CCSER1: variants seen among roughly 807,000 people sequenced by gnomAD.
The protein encoded by CCSER1 is coiled-coil serine rich protein 1.
A neutral mutation model predicts 82.0 loss-of-function variants in CCSER1; 41 were observed. That is an observed-to-expected ratio of 0.50 (90% CI 0.39 to 0.65). The LOEUF (loss-of-function observed/expected upper bound fraction) is 0.65. Ranked by LOEUF, CCSER1 falls within the 30% of genes least tolerant of loss-of-function variation. The pLI, the probability that CCSER1 is intolerant of heterozygous loss-of-function variation, is 0.00. For missense variants in CCSER1, 1,119 were observed against 1,064.2 expected (o/e 1.05, Z -0.72); for synonymous variants, 414 against 383.9 (o/e 1.08, Z -0.92).
At chr4:90,480,877 A>G (rs1361190825) in intron 5 of CCSER1, among the ~76,000 whole-genome samples, 1 of 152,122 alleles carries the variant, frequency 6.6e-6, no homozygotes, top group Non-Finnish European at 1.5e-5. Context: ...TTTTGGTTCC[A>G]TAGGAACTTT....
chr4:90,360,559 G>A (rs1372217319), intron 3 of CCSER1, among the ~76,000 whole-genome samples: 1 of 115,546 alleles, frequency 8.7e-6, no homozygotes, highest in Non-Finnish European at 1.6e-5. Flanking sequence ...CAGCCTGGAC[G>A]ACAGAGCGAG....
intron 1 of CCSER1, among the ~76,000 whole-genome samples, chr4:90,208,676 T>C (rs1010318422): frequency 6.6e-6 from 1 of 152,140 alleles, no homozygotes; most frequent in African/African-American, 2.4e-5. Context: ...TTGCAAAGAC[T>C]CTGGGAAAAG....
At chr4:90,213,170 A>T (rs1740355200) in intron 1 of CCSER1, among the ~76,000 whole-genome samples, 1 of 152,210 alleles carries the variant, frequency 6.6e-6, no homozygotes, top group South Asian at 2.1e-4. Flanking sequence ...AAGCAATGGT[A>T]GCTGACAGGG....
At chr4:91,550,201 T>G (rs1007025358) in intron 10 of CCSER1, among the ~76,000 whole-genome samples, 5 of 152,222 alleles carry the variant, frequency 3.3e-5, no homozygotes, top group African/African-American at 9.6e-5. Flanking sequence ...CTTTCCTTTT[T>G]CCCTCCTCTT....
At chr4:90,957,226 C>G (rs528820227) in intron 9 of CCSER1, among the ~76,000 whole-genome samples, 2 of 134,896 alleles carry the variant, frequency 1.5e-5, no homozygotes, top group Non-Finnish European at 3.2e-5. Context: ...CTCAGCCTCC[C>G]GACTACCTGG....
chr4:90,269,649 C>A (rs1439714418), intron 1 of CCSER1, among the ~76,000 whole-genome samples: 1 of 150,476 alleles, frequency 6.6e-6, no homozygotes, highest in Non-Finnish European at 1.5e-5. Context: ...AGTCTGAACC[C>A]AAAATTAGTA....
chr4:90,571,615 G>T (rs900437803), intron 5 of CCSER1, among the ~76,000 whole-genome samples: 1 of 152,146 alleles, frequency 6.6e-6, no homozygotes. Context: ...AGGAACGGGG[G>T]CAAGTGCTGA....
At chr4:91,141,153 CTTTT>C (rs113600364) in intron 10 of CCSER1, among the ~76,000 whole-genome samples, 1 of 144,344 alleles carries the variant, frequency 6.9e-6, no homozygotes, top group Non-Finnish European at 1.5e-5. Context: ...TGATTTCATT[CTTTT>C]TTTTTTTTTT....
At chr4:90,307,650 TA>T (rs911892223) in intron 1 of CCSER1, among the ~76,000 whole-genome samples, 191 of 143,752 alleles carry the variant, frequency 1.3e-3, no homozygotes, top group South Asian at 1.8e-3. Flanking sequence ...AAGCATAATT[TA>T]AAAAAAAAAA....
intron 10 of CCSER1, among the ~76,000 whole-genome samples, chr4:91,468,665 T>A (rs1204470476): frequency 6.6e-6 from 1 of 152,076 alleles, no homozygotes; most frequent in Non-Finnish European, 1.5e-5. Context: ...GTTTTTATAT[T>A]TAAGTTTTCC....
At chr4:91,329,106 G>A (rs1336613550) in intron 10 of CCSER1, among the ~76,000 whole-genome samples, 1 of 152,158 alleles carries the variant, frequency 6.6e-6, no homozygotes, top group South Asian at 2.1e-4. Context: ...TTAGCAGAAT[G>A]AGAACAGATT....
intron 5 of CCSER1, among the ~76,000 whole-genome samples, chr4:90,506,801 TAAC>T (rs1309473192): frequency 6.6e-6 from 1 of 151,854 alleles, no homozygotes; most frequent in African/African-American, 2.4e-5. Flanking sequence ...CTTTCAAAAA[TAAC>T]AAGAATTGTT....
At chr4:91,503,473 G>A (rs1759326589) in intron 10 of CCSER1, among the ~76,000 whole-genome samples, 1 of 152,064 alleles carries the variant, frequency 6.6e-6, no homozygotes, top group South Asian at 2.1e-4. Context: ...TGTATTTTTA[G>A]AATAAATGTG....
In CCSER1 at chr4:90,595,014, CTAAT is replaced by C. The variant is rs559187843; in HGVS notation, c.1725-33008_1725-33005del. Among the ~76,000 whole-genome samples, 98 of 151,948 alleles carry C rather than the reference CTAAT, an allele frequency of 6.4e-4. 1 individual carries two copies. In the South Asian group the frequency reaches 1.0e-2, roughly 15 times the overall value. On this transcript the variant is annotated intron_variant, in intron 5 of 10. Transcript: ENST00000509176. The stretch of plus-strand genomic sequence containing the variant: ...TAATATATTTTTATACTTTAAGTGA[CTAAT>C]TATTTGATTTCATCGATCTATTAAC...
intron 10 of CCSER1, among the ~76,000 whole-genome samples, chr4:91,464,433 A>T (rs1432471813): frequency 6.6e-6 from 1 of 152,212 alleles, no homozygotes; most frequent in Non-Finnish European, 1.5e-5. Context: ...TGCTAAGAAG[A>T]AACTGCATCA....
intron 1 of CCSER1, among the ~76,000 whole-genome samples, chr4:90,271,241 A>G (rs943505227): frequency 3.2e-4 from 48 of 152,132 alleles, no homozygotes; most frequent in African/African-American, 1.1e-3. Flanking sequence ...TCAAATTATT[A>G]TACAAAGCTA....
At chr4:91,572,782 C>T (rs922016239) in intron 10 of CCSER1, among the ~76,000 whole-genome samples, 1 of 146,824 alleles carries the variant, frequency 6.8e-6, no homozygotes, top group Non-Finnish European at 1.5e-5. Flanking sequence ...GGCAACATGT[C>T]AAAACCCTGT....
chr4:90,321,475 T>A (rs952325666), intron 3 of CCSER1, among the ~76,000 whole-genome samples: 3 of 152,184 alleles, frequency 2.0e-5, no homozygotes, highest in Non-Finnish European at 4.4e-5. Flanking sequence ...TGATGGACAC[T>A]TAAGTTGATT....
intron 6 of CCSER1, among the ~76,000 whole-genome samples, chr4:90,715,150 A>T (rs1039019097): frequency 6.6e-6 from 1 of 152,018 alleles, no homozygotes; most frequent in Non-Finnish European, 1.5e-5. Context: ...AAAGAACTTT[A>T]TAAATAGATT....
Sources: gnomAD v4.1 joint callset for allele counts (sites outside exome capture counted in the v4.1 genomes callset) on GRCh38, gnomAD v4.1.1 for gene constraint, MANE v1.5 for transcripts, NCBI Gene and HGNC (gene_info 2026-07-23, HGNC 2026-07-21) for gene names.